Variants in PRKN observed in about 807,000 individuals in gnomAD.
PRKN encodes E3 ubiquitin-protein ligase parkin.
Under a neutral mutation model 59.5 loss-of-function variants are expected in PRKN, and 56 were observed. The ratio of observed to expected loss-of-function variants is 0.94; its 90% CI spans 0.76 to 1.18. The LOEUF (loss-of-function observed/expected upper bound fraction) is 1.18. PRKN is among the 50% of genes most tolerant of loss of function. The pLI is 0.00. For missense variants in PRKN, 657 were observed against 596.4 expected, an observed-to-expected ratio of 1.10 and a Z score of -1.06; for synonymous variants, 250 against 222.1, an observed-to-expected ratio of 1.13 and a Z score of -1.12.
At chr6:162,572,572 TG>T (rs1292082725) in intron 1 of PRKN, among the ~76,000 whole-genome samples, 2 of 152,168 alleles carry the variant, frequency 1.3e-5, no homozygotes, top group African/African-American at 4.8e-5. Flanking sequence ...AACGTCTTCA[TG>T]GGGGCAATAT....
At chr6:161,810,974 G>C (rs1382750088) in intron 6 of PRKN, among the ~76,000 whole-genome samples, 1 of 152,064 alleles carries the variant, frequency 6.6e-6, no homozygotes, top group Non-Finnish European at 1.5e-5. Context: ...GAGGAAGAAA[G>C]GGTACTCCAA....
chr6:161,497,577 T>TCTCACA lies in PRKN; in HGVS notation c.1083+51276_1083+51277insTGTGAG, dbSNP rs369404858. On this transcript the variant is annotated intron_variant, in intron 9 of 11. Transcript: ENST00000366898. The surrounding 1 kb of genome is among the most constrained non-coding windows in gnomAD (Gnocchi z 4.6). Reference sequence around the variant, plus strand: ...ATGTCTCTCTCTCTCTCTCTCTCTCTCACACACACACACACACACACCATA... The same window carrying TCTCACA: ...ATGTCTCTCTCTCTCTCTCTCTCTCTCTCACACACACACACACACACACACACCATA... Among the ~76,000 whole-genome samples the TCTCACA allele has an allele frequency of 0.015, 2,163 of 147,404 alleles. 56 individuals carry two copies. The highest frequency in any genetic ancestry group is 0.051 in the African/African-American group (2,042 of 39,744).
intron 5 of PRKN, among the ~76,000 whole-genome samples, chr6:161,979,230 T>C (rs1399655162): frequency 6.6e-6 from 1 of 152,216 alleles, no homozygotes; most frequent in Non-Finnish European, 1.5e-5. Flanking sequence ...GAAAATGTGC[T>C]TGGCTTTATA....
chr6:161,478,526 T>C (rs1791234989), intron 9 of PRKN, among the ~76,000 whole-genome samples: 1 of 151,548 alleles, frequency 6.6e-6, no homozygotes, highest in Non-Finnish European at 1.5e-5. Flanking sequence ...AAATAGCTGT[T>C]ATGTGGCTTC....
intron 1 of PRKN, among the ~76,000 whole-genome samples, chr6:162,467,545 A>G (rs1214664172): frequency 6.6e-6 from 1 of 151,996 alleles, no homozygotes; most frequent in Non-Finnish European, 1.5e-5. Context: ...TCTATCTCCA[A>G]AATATTTATT....
intron 6 of PRKN, among the ~76,000 whole-genome samples, chr6:161,867,561 T>C (rs1794159852): frequency 6.6e-6 from 1 of 152,038 alleles, no homozygotes; most frequent in Non-Finnish European, 1.5e-5. Context: ...GAAAAGATGA[T>C]GATGAAAATA....
chr6:161,504,317 A>T (rs1424308569), intron 9 of PRKN, among the ~76,000 whole-genome samples: 1 of 152,106 alleles, frequency 6.6e-6, no homozygotes, highest in Admixed American at 6.5e-5. Context: ...AGGGATTGCC[A>T]TGGGGACCAC....
chr6:161,702,661 A>C (rs1176549272), intron 7 of PRKN, among the ~76,000 whole-genome samples: 1 of 152,188 alleles, frequency 6.6e-6, no homozygotes, highest in Non-Finnish European at 1.5e-5. Flanking sequence ...ACTCAGTGCC[A>C]CTGAACTGTA....
At chr6:161,856,390 T>C (rs1793653888) in intron 6 of PRKN, among the ~76,000 whole-genome samples, 1 of 106,536 alleles carries the variant, frequency 9.4e-6, no homozygotes, top group African/African-American at 3.5e-5. Flanking sequence ...ATAAATAAGA[T>C]TGAAAATGAA....
At chr6:161,704,573 T>C in intron 7 of PRKN, among the ~76,000 whole-genome samples, 1 of 152,166 alleles carries the variant, frequency 6.6e-6, no homozygotes, top group East Asian at 1.9e-4. Context: ...TCAAGGGCTT[T>C]ACAAACTGTC....
chr6:162,599,647 A>G (rs1781624487), intron 1 of PRKN, among the ~76,000 whole-genome samples: 1 of 152,184 alleles, frequency 6.6e-6, no homozygotes, highest in South Asian at 2.1e-4. Context: ...ATGGGCTCAC[A>G]AGTGAAAACG....
Position 161,725,890 on chromosome 6 carries a change from T to G in PRKN, c.871+59882A>C, listed in dbSNP as rs79283205. ...ATCCTCGGTCATTGCTCTTGAGTTT[T>G]TGATCTTCCATATACTGTCAGAGCA... On this transcript the variant is annotated intron_variant, in intron 7 of 11. Transcript: ENST00000366898. Among the ~76,000 whole-genome samples the G allele has an allele frequency of 2.9e-4, 44 of 152,346 alleles. No homozygotes were observed. In the East Asian group the frequency reaches 8.1e-3, roughly 28 times the overall value.
chr6:161,679,741 C>CTTTTTTTTTTTTTTTTTT (rs745812196), intron 7 of PRKN, among the ~76,000 whole-genome samples: 1 of 23,484 alleles, frequency 4.3e-5, no homozygotes. Context: ...TCAGAGCCAG[C>CTTTTTTTTTTTTTTTTTT]TTTTTTTTTT....
chr6:162,156,069 T>C (rs1218779471), intron 4 of PRKN, among the ~76,000 whole-genome samples: 3 of 49,538 alleles, frequency 6.1e-5, no homozygotes, highest in Non-Finnish European at 8.6e-5. Context: ...ATCTCATGTT[T>C]CCTTGGTTAG....
At chr6:161,532,166 C>CTCTCTCTATATA (rs1355724171) in intron 9 of PRKN, among the ~76,000 whole-genome samples, 1 of 115,420 alleles carries the variant, frequency 8.7e-6, no homozygotes, top group African/African-American at 3.3e-5. Flanking sequence ...CTCTCTCTCT[C>CTCTCTCTATATA]TATATATATA....
chr6:161,767,537 C>G (rs935772043), intron 7 of PRKN, among the ~76,000 whole-genome samples: 1 of 151,500 alleles, frequency 6.6e-6, no homozygotes, highest in African/African-American at 2.4e-5. Flanking sequence ...AAACAAAAAC[C>G]AATCAGCATG....
chr6:161,523,705 G>T (rs752351446), intron 9 of PRKN, among the ~76,000 whole-genome samples: 1 of 152,204 alleles, frequency 6.6e-6, no homozygotes, highest in Non-Finnish European at 1.5e-5. Flanking sequence ...TGTGTTTGAT[G>T]AGGTGACATT....
At chr6:162,479,154 C>T (rs765384424) in intron 1 of PRKN, among the ~76,000 whole-genome samples, 10 of 151,880 alleles carry the variant, frequency 6.6e-5, no homozygotes, top group Non-Finnish European at 1.2e-4. Flanking sequence ...CACAGCTACA[C>T]AAAAGTATTC....
In PRKN at chr6:161,480,923, G is replaced by A. The variant is rs1791360347; in HGVS notation, c.1083+67931C>T. ...TGGTAACTGGAAAGGAAAGCTGATG[G>A]TGCAGCTTTCTCCATGGTAACCGGG... On this transcript the variant is annotated intron_variant, in intron 9 of 11. Coordinates refer to ENST00000366898, the MANE Select transcript of PRKN (RefSeq NM_004562.3). This position sits in a 1 kb window ranked among gnomAD's most constrained non-coding sequence, Gnocchi z 4.1. 6.6e-6 allele frequency among the ~76,000 whole-genome samples: 1 copy of A among 152,156 alleles called. No individual in the cohort carries two copies. Among genetic ancestry groups the A allele is most frequent in the Admixed American group, 6.5e-5 (1 of 15,278 alleles).
Sources: allele counts gnomAD v4.1 joint callset (sites outside exome capture counted in the v4.1 genomes callset), GRCh38; gene constraint gnomAD v4.1.1; non-coding constraint Gnocchi (gnomAD v3.1); transcripts MANE v1.5; gene names NCBI Gene and HGNC (gene_info 2026-07-23, HGNC 2026-07-21).